Variants in PTPRN2 observed in about 807,000 individuals in gnomAD.
PTPRN2 encodes the protein protein tyrosine phosphatase receptor type N2.
PTPRN2 carries 74 observed loss-of-function variants against 118.8 expected under a neutral mutation model. That is an observed-to-expected ratio of 0.62 (90% CI 0.52 to 0.76). The LOEUF is 0.76. Among genes scored for constraint, PTPRN2 ranks in the 30% least tolerant of loss-of-function variants. PTPRN2 has a pLI of 0.00. For synonymous variants in PTPRN2, 641 were observed against 608.0 expected (o/e 1.05, Z -0.80); for missense variants, 1,481 against 1,394.4 (o/e 1.06, Z -0.99).
At chr7:157,873,611 G>A (rs904118787) in intron 12 of PTPRN2, among the ~76,000 whole-genome samples, 1 of 89,424 alleles carries the variant, frequency 1.1e-5, no homozygotes. Flanking sequence ...GCCGGGAGGA[G>A]AACGTACTGT....
Position 158,537,814 on chromosome 7 carries a change from G to A in PTPRN2, c.113-48029C>T, listed in dbSNP as rs568081176. 2.0e-4 allele frequency among the ~76,000 whole-genome samples: 30 copies of A among 152,288 alleles called. No individual in the cohort carries two copies. In the South Asian group the frequency reaches 3.7e-3, roughly 19 times the overall value. On this transcript the variant is annotated intron_variant, in intron 1 of 22. Transcript: ENST00000389418. ...TACATTACCAGTTTATCTCACCAGC[G>A]CTTTCAGCCTATTTCTTATTTAGGT...
intron 1 of PTPRN2, among the ~76,000 whole-genome samples, chr7:158,494,416 G>A (rs1204053626): frequency 6.6e-6 from 1 of 152,248 alleles, no homozygotes; most frequent in African/African-American, 2.4e-5. Context: ...CTTCTGAAAT[G>A]TGTGCTACAC....
intron 11 of PTPRN2, among the ~76,000 whole-genome samples, chr7:158,065,812 G>A (rs934139267): frequency 2.0e-5 from 3 of 152,214 alleles, no homozygotes; most frequent in African/African-American, 7.2e-5. Context: ...AGGAGAAATT[G>A]CGTATTTAAA....
At chr7:157,959,424 A>G (rs1801382691) in intron 11 of PTPRN2, among the ~76,000 whole-genome samples, 1 of 152,256 alleles carries the variant, frequency 6.6e-6, no homozygotes, top group Admixed American at 6.5e-5. Flanking sequence ...TAAACAGTTA[A>G]AAAGTAACCC....
rs1809902789 is a variant in PTPRN2, at chr7:158,057,715, G to A, written c.1723+23583C>T. Among the ~76,000 whole-genome samples, 4 of 151,808 alleles carry A rather than the reference G, an allele frequency of 2.6e-5. No homozygotes were observed. The South Asian group carries it at 8.3e-4, about 32-fold the overall frequency. On this transcript the variant is annotated intron_variant, in intron 11 of 22. Transcript: ENST00000389418. ...CCACAGCAAAGTCTCCAAGAACCCA[G>A]CCTCAGCATCCCCGCCACTCCCCAA... is the stretch of plus-strand genomic sequence containing the variant.
chr7:157,614,450 A>G (rs182824214), intron 15 of PTPRN2, among the ~76,000 whole-genome samples: 1 of 152,172 alleles, frequency 6.6e-6, no homozygotes, highest in Non-Finnish European at 1.5e-5. Flanking sequence ...AAAGTCAGGG[A>G]CAGCTGTTTC....
At position 158,483,646 on chromosome 7, in the gene PTPRN2, T is replaced by G. The variant is rs540657956; in HGVS notation, c.163+6089A>C. On this transcript the variant is annotated intron_variant, in intron 2 of 22. Coordinates refer to ENST00000389418, the MANE Select transcript of PTPRN2 (RefSeq NM_002847.5). The stretch of plus-strand genomic sequence containing the variant: ...CATTTTCAACCATCTTGTTTTGTGT[T>G]GGGTTGAATGTCCTGGGAGGGAGCC... Among the ~76,000 whole-genome samples the G allele has an allele frequency of 6.6e-5, 10 of 152,320 alleles. No individual in the cohort carries two copies. In the South Asian group the frequency reaches 1.9e-3, roughly 28 times the overall value.
chr7:158,322,486 G>C (rs1803110458), intron 2 of PTPRN2, among the ~76,000 whole-genome samples: 1 of 151,978 alleles, frequency 6.6e-6, no homozygotes, highest in South Asian at 2.1e-4. Flanking sequence ...GCCCCGGTGG[G>C]CGACGGGGAG....
At chr7:158,338,238 T>C (rs79175358) in intron 2 of PTPRN2, among the ~76,000 whole-genome samples, 5 of 15,254 alleles carry the variant, frequency 3.3e-4, no homozygotes, top group African/African-American at 8.8e-4. Context: ...ATAGCTGTCG[T>C]CCGGAGGCGT....
chr7:157,823,478 GTC>G (rs1484693766), intron 12 of PTPRN2, among the ~76,000 whole-genome samples: 2 of 152,192 alleles, frequency 1.3e-5, no homozygotes, highest in African/African-American at 4.8e-5. Flanking sequence ...CTAATCTGCA[GTC>G]TGCTACAAAA....
At chr7:157,988,719 C>T (rs1003357542) in intron 11 of PTPRN2, among the ~76,000 whole-genome samples, 1 of 152,180 alleles carries the variant, frequency 6.6e-6, no homozygotes, top group Non-Finnish European at 1.5e-5. Context: ...TCATGCACGT[C>T]CACACTTTCT....
chr7:157,922,562 A>C (rs1311765450), intron 11 of PTPRN2, among the ~76,000 whole-genome samples: 1 of 146,716 alleles, frequency 6.8e-6, no homozygotes, highest in Non-Finnish European at 1.5e-5. Context: ...TGATTTAAAC[A>C]AGATAAATGT....
intron 1 of PTPRN2, among the ~76,000 whole-genome samples, chr7:158,495,148 A>G (rs1486232871): frequency 6.6e-6 from 1 of 152,130 alleles, no homozygotes; most frequent in African/African-American, 2.4e-5. Context: ...CGTGGGTTTC[A>G]ATGCCAGAGC....
At chr7:157,816,291 G>A (rs75305325) in intron 12 of PTPRN2, among the ~76,000 whole-genome samples, 3 of 152,262 alleles carry the variant, frequency 2.0e-5, no homozygotes, top group South Asian at 2.1e-4. Flanking sequence ...TCTGCTGCTC[G>A]GTGTGGTCGG....
chr7:158,273,463 G>GGGGGAGCCACAGGCACAA (rs1798662569), intron 3 of PTPRN2, among the ~76,000 whole-genome samples: 2 of 76,212 alleles, frequency 2.6e-5, no homozygotes, highest in African/African-American at 2.0e-4. Flanking sequence ...CGCAGACGCA[G>GGGGGAGCCACAGGCACAA]GGGGAGCCGC....
intron 12 of PTPRN2, among the ~76,000 whole-genome samples, chr7:157,815,455 C>T (rs1036920574): frequency 4.6e-5 from 7 of 152,196 alleles, no homozygotes; most frequent in Non-Finnish European, 7.3e-5. Context: ...AGAGAAGCAC[C>T]GCTGCCGAGG....
Position 157,580,518 on chromosome 7 carries a change from C to T in PTPRN2, c.2497-2378G>A, listed in dbSNP as rs187738382. 5.5e-5 allele frequency among the ~76,000 whole-genome samples: 8 copies of T among 146,512 alleles called. No homozygotes were observed. The East Asian group carries it at 1.4e-3, about 26-fold the overall frequency. The stretch of plus-strand genomic sequence containing the variant: ...ACCTGCACACCGTGGCACCTGCACA[C>T]CCCAGCACCTGCACACCCGAGCCGA... On this transcript the variant is annotated intron_variant, in intron 17 of 22. Coordinates refer to ENST00000389418, the MANE Select transcript of PTPRN2 (RefSeq NM_002847.5).
chr7:158,388,815 C>T (rs949930697), intron 2 of PTPRN2, among the ~76,000 whole-genome samples: 2 of 152,214 alleles, frequency 1.3e-5, no homozygotes, highest in African/African-American at 2.4e-5. Flanking sequence ...ACACTCATCG[C>T]CCCAGAGACT....
At chr7:158,252,994 C>T (rs563711874) in intron 3 of PTPRN2, among the ~76,000 whole-genome samples, 11 of 152,350 alleles carry the variant, frequency 7.2e-5, no homozygotes, top group Admixed American at 5.2e-4. Flanking sequence ...GTCATGCCCA[C>T]GGCACTCAGA....
Sources: allele counts gnomAD v4.1 joint callset (sites outside exome capture counted in the v4.1 genomes callset), GRCh38; gene constraint gnomAD v4.1.1; transcripts MANE v1.5; gene names NCBI Gene and HGNC (gene_info 2026-07-23, HGNC 2026-07-21).